The following TRIQK variants were observed in gnomAD, a reference collection of about 807,000 sequenced individuals.
TRIQK encodes the protein triple QxxK/R motif-containing protein.
TRIQK carries 10 observed loss-of-function variants against 10.8 expected under a neutral mutation model. The observed-to-expected ratio is 0.92, with a 90% CI of 0.57 to 1.57. The LOEUF is 1.57. Ranked by LOEUF, TRIQK falls within the 40% of genes most tolerant of loss-of-function variation. The pLI is 0.00. For missense variants in TRIQK, 107 were observed against 97.7 expected, an observed-to-expected ratio of 1.09 and a Z score of -0.40; for synonymous variants, 33 against 33.7, an observed-to-expected ratio of 0.98 and a Z score of 0.07.
intron 1 of TRIQK, among the ~76,000 whole-genome samples, chr8:92,958,708 T>C (rs761120241): frequency 3.3e-5 from 5 of 151,998 alleles, no homozygotes; most frequent in Admixed American, 2.6e-4. Flanking sequence ...TCTGAGTCCC[T>C]TGAACTGAAA....
intron 2 of TRIQK, among the ~76,000 whole-genome samples, chr8:92,920,238 C>T (rs555165652): frequency 1.3e-5 from 2 of 151,700 alleles, no homozygotes; most frequent in South Asian, 4.2e-4. Flanking sequence ...GACTCTATTT[C>T]CTAGCCTCAA....
chr8:92,907,440 G>A (rs1809334926), intron 3 of TRIQK, among the ~76,000 whole-genome samples: 1 of 151,994 alleles, frequency 6.6e-6, no homozygotes, highest in Admixed American at 6.6e-5. Flanking sequence ...GTTAAATATG[G>A]ATTAAAAATA....
chr8:92,908,626 G>A (rs749240700), intron 3 of TRIQK, among the ~76,000 whole-genome samples: 1 of 152,042 alleles, frequency 6.6e-6, no homozygotes, highest in African/African-American at 2.4e-5. Flanking sequence ...TCATAATTCT[G>A]TCTGGGATAA....
chr8:92,930,390 C>CAAAAAAAA (rs66513185), intron 2 of TRIQK, among the ~76,000 whole-genome samples: 1 of 47,140 alleles, frequency 2.1e-5, no homozygotes, highest in Non-Finnish European at 3.6e-5. Context: ...ACTAGGTCTC[C>CAAAAAAAA]AAAAAAAAAA....
intron 3 of TRIQK, among the ~76,000 whole-genome samples, chr8:92,913,045 C>G (rs940820559): frequency 1.3e-4 from 19 of 151,982 alleles, no homozygotes; most frequent in African/African-American, 4.6e-4. Context: ...GAACATAAAA[C>G]AAAAATCCTC....
intron 1 of TRIQK, among the ~76,000 whole-genome samples, chr8:93,014,617 C>T (rs907559471): frequency 6.6e-6 from 1 of 151,956 alleles, no homozygotes; most frequent in African/African-American, 2.4e-5. Context: ...TAAAAAGTTA[C>T]TTTATAATTT....
chr8:92,993,157 G>A (rs1813115200), intron 1 of TRIQK, among the ~76,000 whole-genome samples: 2 of 152,114 alleles, frequency 1.3e-5, no homozygotes, highest in South Asian at 4.1e-4. Context: ...ATGTCATCCA[G>A]GTTTCTGGTG....
rs557418082 is a variant in TRIQK at position 92,910,742 on chromosome 8, G to A, written c.61+6187C>T. On this transcript the variant is annotated intron_variant, in intron 3 of 4. Transcript: ENST00000521988. The stretch of plus-strand genomic sequence containing the variant: ...TCATAAGTACTTTATAAATAAAAAG[G>A]TCATTATATAATAGAAAAGGGGAAA... Among the ~76,000 whole-genome samples, 17 of 150,684 alleles carry A rather than the reference G, an allele frequency of 1.1e-4. No individual in the cohort carries two copies. In the South Asian group the frequency reaches 2.9e-3, roughly 26 times the overall value.
At chr8:92,981,420 T>C (rs996514376) in intron 1 of TRIQK, among the ~76,000 whole-genome samples, 5 of 151,960 alleles carry the variant, frequency 3.3e-5, no homozygotes, top group African/African-American at 4.8e-5. Flanking sequence ...TTATTTATTA[T>C]GTATTTCTAT....
At chr8:92,895,908 T>C (rs1808566814) in intron 3 of TRIQK, among the ~76,000 whole-genome samples, 1 of 151,996 alleles carries the variant, frequency 6.6e-6, no homozygotes, top group Non-Finnish European at 1.5e-5. Flanking sequence ...ACTCTCAGCC[T>C]GGCCATGTAA....
At chr8:92,955,841 A>C (rs543348706) in intron 1 of TRIQK, among the ~76,000 whole-genome samples, 8 of 151,986 alleles carry the variant, frequency 5.3e-5, no homozygotes, top group Non-Finnish European at 1.0e-4. Flanking sequence ...ATTAGTCATT[A>C]GGAAAATCCA....
intron 1 of TRIQK, among the ~76,000 whole-genome samples, chr8:92,993,150 T>A (rs926092878): frequency 6.6e-6 from 1 of 152,200 alleles, no homozygotes; most frequent in Non-Finnish European, 1.5e-5. Context: ...CAGGATCATG[T>A]CATCCAGGTT....
Position 92,934,672 on chromosome 8 carries a change from G to A in TRIQK, c.-21-17662C>T, listed in dbSNP as rs1810895599. Among the ~76,000 whole-genome samples the A allele has an allele frequency of 2.0e-5, 3 of 152,002 alleles. No homozygotes were observed. The South Asian group carries it at 6.2e-4, about 31-fold the overall frequency. On this transcript the variant is annotated intron_variant, in intron 2 of 4. Coordinates refer to ENST00000521988, the MANE Select transcript of TRIQK (RefSeq NM_001171797.2). ...CGCATTCATTATATCGAAGTCCCAG[G>A]TGATTATAGCATTAGCACTTTGTTA... is the stretch of plus-strand genomic sequence containing the variant.
intron 3 of TRIQK, among the ~76,000 whole-genome samples, chr8:92,911,606 C>G (rs557453162): frequency 7.1e-4 from 107 of 150,902 alleles, no homozygotes; most frequent in African/African-American, 2.5e-3. Flanking sequence ...AAATCGTAAC[C>G]CAAAAAGAGC....
chr8:92,945,435 T>G (rs1811480584), intron 2 of TRIQK, among the ~76,000 whole-genome samples: 1 of 152,194 alleles, frequency 6.6e-6, no homozygotes, highest in Admixed American at 6.5e-5. Context: ...GGATATAATC[T>G]GAAAGTATAG....
intron 3 of TRIQK, among the ~76,000 whole-genome samples, chr8:92,894,414 T>C (rs1816913700): frequency 1.3e-5 from 2 of 151,684 alleles, no homozygotes; most frequent in Admixed American, 1.3e-4. Context: ...ATATAAAATA[T>C]AGAAGTCCCT....
At chr8:92,915,778 CG>C (rs1373480572) in intron 3 of TRIQK, among the ~76,000 whole-genome samples, 2 of 80,878 alleles carry the variant, frequency 2.5e-5, no homozygotes, top group East Asian at 3.0e-4. Context: ...GGATTACTGG[CG>C]TTAAGTCACC....
intron 1 of TRIQK, among the ~76,000 whole-genome samples, chr8:93,006,696 C>T (rs1813276220): frequency 6.6e-6 from 1 of 152,168 alleles, no homozygotes; most frequent in Non-Finnish European, 1.5e-5. Flanking sequence ...GGATTGGACC[C>T]AGGAGGAATT....
At position 92,982,826 on chromosome 8, in the gene TRIQK, C is replaced by T. The variant is rs150217729; in HGVS notation, c.-180-28262G>A. ...AATCTGATACTAAGACTTCTTCCTC[C>T]TCCTAGGTAAGGGAGGGTGGTGCTT... On this transcript the variant is annotated intron_variant, in intron 1 of 4. Transcript: ENST00000520686. Among the ~76,000 whole-genome samples the T allele has an allele frequency of 6.7e-3, 1,026 of 152,066 alleles. 50 individuals are homozygous for T. Among genetic ancestry groups the T allele is most frequent in the Admixed American group, 0.054 (817 of 15,252 alleles).
Sources: allele counts gnomAD v4.1 joint callset (sites outside exome capture counted in the v4.1 genomes callset), GRCh38; gene constraint gnomAD v4.1.1; transcripts MANE v1.5; gene names NCBI Gene and HGNC (gene_info 2026-07-23, HGNC 2026-07-21).